The following NRG3 variants were observed in gnomAD, a reference collection of about 807,000 sequenced individuals.
The protein encoded by NRG3 is pro-neuregulin-3, membrane-bound isoform.
Under a neutral mutation model 66.9 loss-of-function variants are expected in NRG3, and 31 were observed. The ratio of observed to expected loss-of-function variants is 0.46; its 90% CI spans 0.35 to 0.63. The LOEUF is 0.63. NRG3 is among the 20% of genes least tolerant of loss of function. The pLI is 0.00. For missense variants in NRG3, 910 were observed against 878.9 expected, an observed-to-expected ratio of 1.04 and a Z score of -0.45; for synonymous variants, 393 against 359.4, an observed-to-expected ratio of 1.09 and a Z score of -1.06.
chr10:82,900,865 A>AT (rs1015663598), intron 4 of NRG3, among the ~76,000 whole-genome samples: 1 of 152,200 alleles, frequency 6.6e-6, no homozygotes, highest in South Asian at 2.1e-4. Flanking sequence ...TTTAAAGGAA[A>AT]TTTTTTTCAT....
chr10:82,186,775 A>G (rs777497935), intron 1 of NRG3, among the ~76,000 whole-genome samples: 6 of 152,210 alleles, frequency 3.9e-5, no homozygotes, highest in African/African-American at 7.2e-5. Flanking sequence ...GTATCTGTAT[A>G]CATTATAGAC....
intron 3 of NRG3, among the ~76,000 whole-genome samples, chr10:82,748,827 A>C (rs990338646): frequency 1.9e-4 from 29 of 151,814 alleles, no homozygotes; most frequent in African/African-American, 6.5e-4. Flanking sequence ...AAATAAATAA[A>C]ATAATTTGCC....
intron 1 of NRG3, among the ~76,000 whole-genome samples, chr10:82,038,537 C>A (rs79157589): frequency 1.3e-5 from 2 of 152,102 alleles, no homozygotes; most frequent in Admixed American, 1.3e-4. Context: ...GAAGTCACAA[C>A]CCATGAGTTT....
At chr10:81,930,160 G>C (rs1413328329) in intron 1 of NRG3, among the ~76,000 whole-genome samples, 1 of 152,100 alleles carries the variant, frequency 6.6e-6, no homozygotes, top group Non-Finnish European at 1.5e-5. Context: ...GGGTGCAGCT[G>C]GGGAAGTCAC....
intron 1 of NRG3, among the ~76,000 whole-genome samples, chr10:82,002,990 G>T (rs563723771): frequency 1.3e-5 from 2 of 152,300 alleles, no homozygotes; most frequent in East Asian, 3.9e-4. Flanking sequence ...AAATGGTAAG[G>T]GGTGTTGAGG....
At chr10:82,169,833 T>C (rs2072424593) in intron 1 of NRG3, among the ~76,000 whole-genome samples, 1 of 151,904 alleles carries the variant, frequency 6.6e-6, no homozygotes, top group Non-Finnish European at 1.5e-5. Flanking sequence ...TCTGAGTCTA[T>C]TGATTTTTCT....
At chr10:82,795,606 A>C in intron 3 of NRG3, among the ~76,000 whole-genome samples, 1 of 152,208 alleles carries the variant, frequency 6.6e-6, no homozygotes, top group East Asian at 1.9e-4. Context: ...TACAAAACTG[A>C]ACAAGTGTTC....
intron 2 of NRG3, among the ~76,000 whole-genome samples, chr10:82,430,448 G>T (rs925558427): frequency 2.0e-5 from 3 of 151,938 alleles, no homozygotes; most frequent in African/African-American, 7.3e-5. Flanking sequence ...TAGTAGAGAT[G>T]GGGTTTCACC....
At chr10:82,106,276 G>A (rs2067056505) in intron 1 of NRG3, among the ~76,000 whole-genome samples, 1 of 152,194 alleles carries the variant, frequency 6.6e-6, no homozygotes, top group Non-Finnish European at 1.5e-5. Context: ...GGCTCAAGCT[G>A]TGAAACCAGG....
intron 3 of NRG3, among the ~76,000 whole-genome samples, chr10:82,796,815 G>A (rs1422364963): frequency 6.6e-6 from 1 of 151,902 alleles, no homozygotes; most frequent in Non-Finnish European, 1.5e-5. Flanking sequence ...AGAGGAATAG[G>A]GGTAAAAATA....
At chr10:82,380,742 AGTTT>A (rs1564858172) in intron 2 of NRG3, among the ~76,000 whole-genome samples, 1 of 152,160 alleles carries the variant, frequency 6.6e-6, no homozygotes, top group Non-Finnish European at 1.5e-5. Context: ...TTTGGAAAAC[AGTTT>A]GTTATTACCA....
At chr10:82,730,347 G>A (rs566030890) in intron 2 of NRG3, among the ~76,000 whole-genome samples, 1 of 152,030 alleles carries the variant, frequency 6.6e-6, no homozygotes, top group Admixed American at 6.5e-5. Flanking sequence ...GCCTCCCAAA[G>A]TTCTGGGATT....
chr10:82,591,990 G>A (rs2047010024), intron 2 of NRG3, among the ~76,000 whole-genome samples: 1 of 152,110 alleles, frequency 6.6e-6, no homozygotes, highest in African/African-American at 2.4e-5. Flanking sequence ...GGAAACACCA[G>A]AGGTTTTATC....
chr10:82,560,311 T>G (rs1366947394), intron 2 of NRG3, among the ~76,000 whole-genome samples: 1 of 151,628 alleles, frequency 6.6e-6, no homozygotes, highest in African/African-American at 2.4e-5. Context: ...TTTTATTGTA[T>G]CCAAGAATAA....
chr10:82,123,892 C>T lies in NRG3; in HGVS notation c.824-234847C>T, dbSNP rs1421975953. Among the ~76,000 whole-genome samples the T allele has an allele frequency of 2.7e-5, 4 of 150,918 alleles. No individual in the cohort carries two copies. In the South Asian group the frequency reaches 6.2e-4, roughly 24 times the overall value. ...TTAGTTTCTTCCTTGCTTTGCTCCC[C>T]GAGGTTGCTTGCATTGACAGGGGAA... On this transcript the variant is annotated intron_variant, in intron 1 of 8. Transcript: ENST00000372141.
At chr10:82,437,611 G>T (rs1195695861) in intron 2 of NRG3, among the ~76,000 whole-genome samples, 2 of 152,050 alleles carry the variant, frequency 1.3e-5, no homozygotes, top group Non-Finnish European at 2.9e-5. Flanking sequence ...TTGGAGGAGA[G>T]ACACTTTGGC....
At chr10:82,009,426 C>T (rs1188756417) in intron 1 of NRG3, among the ~76,000 whole-genome samples, 1 of 152,040 alleles carries the variant, frequency 6.6e-6, no homozygotes, top group African/African-American at 2.4e-5. Context: ...GGTGGTTGAG[C>T]CTTTCACCAA....
At chr10:82,328,514 A>T (rs1380281475) in intron 1 of NRG3, among the ~76,000 whole-genome samples, 1 of 152,190 alleles carries the variant, frequency 6.6e-6, no homozygotes, top group Admixed American at 6.5e-5. Context: ...GTTGGCCAAC[A>T]TCTCTCCAAT....
At chr10:82,957,178 C>T (rs751398845) in intron 5 of NRG3, among the ~76,000 whole-genome samples, 11 of 151,932 alleles carry the variant, frequency 7.2e-5, no homozygotes, top group Non-Finnish European at 1.0e-4. Flanking sequence ...TTGCGTGTGC[C>T]TCCACATGCA....
Sources: gnomAD v4.1 joint callset for allele counts (sites outside exome capture counted in the v4.1 genomes callset) on GRCh38, gnomAD v4.1.1 for gene constraint, MANE v1.5 for transcripts, NCBI Gene and HGNC (gene_info 2026-07-23, HGNC 2026-07-21) for gene names.